The following TTC21A variants were observed in gnomAD, a reference collection of about 807,000 sequenced individuals.
The protein encoded by TTC21A is tetratricopeptide repeat domain 21A, also known as tetratricopeptide repeat protein 21A.
Under a neutral mutation model 156.4 loss-of-function variants are expected in TTC21A, and 128 were observed. The observed-to-expected ratio is 0.82, with a 90% confidence interval of 0.71 to 0.95. The LOEUF (loss-of-function observed/expected upper bound fraction) is 0.95, where lower values mean the gene tolerates loss of function less well. Ranked by LOEUF, TTC21A falls within the 40% of genes least tolerant of loss-of-function variation. The pLI is 0.00. For missense variants in TTC21A, 1,435 were observed against 1,602.3 expected (o/e 0.90, Z 1.78); for synonymous variants, 587 against 617.1 (o/e 0.95, Z 0.72).
chr3:39,129,091 T>C lies in TTC21A; in HGVS notation c.1916T>C (p.Met639Thr). 6.2e-7 allele frequency: 1 copy of C among 1,614,250 alleles called. No individual in the cohort carries two copies. Among genetic ancestry groups the C allele is most frequent in the East Asian group, 2.2e-5 (1 of 44,886 alleles). The change falls in exon 15 of 29, where the codon ATG becomes ACG. Residue 639 changes from methionine (M) to threonine (T), a missense_variant. Met to Thr is a moderately conservative substitution (Grantham distance 81, BLOSUM62 -1). Coordinates refer to ENST00000683103, the MANE Select transcript of TTC21A (RefSeq NM_001366900.1). ...TTTTAGCATGAGGCCACCAAGGTCATGCAGGACACCATCAATGAGTTCGGT... is the reference window on the plus strand; with the variant it reads ...TTTTAGCATGAGGCCACCAAGGTCACGCAGGACACCATCAATGAGTTCGGT... ...NGELHEATKV[M>T]QDTINEFGGT...
Position 39,120,995 on chromosome 3 carries a change from AGT to A in TTC21A, c.903_904del (p.Cys301TrpfsTer12). The A allele has an allele frequency of 6.3e-7, 1 of 1,594,576 alleles. No individual in the cohort carries two copies. The highest frequency in any genetic ancestry group is 8.6e-7 in the Non-Finnish European group (1 of 1,168,608). On this transcript the variant is annotated splice_acceptor_variant and coding_sequence_variant, in exon 9 of 29. Coordinates refer to ENST00000683103, the MANE Select transcript of TTC21A (RefSeq NM_001366900.1). LOFTEE classifies it high-confidence loss of function. ...CAATTCCCACCTTCCTGTTTCTTGC[AGT>A]GTGGGAGTCACCAGGTGATTCTAGG...
rs757020891 is a variant in TTC21A at position 39,136,506 on chromosome 3, T to A, written c.3094T>A (p.Trp1032Arg). The A allele has an allele frequency of 3.7e-6, 6 of 1,613,922 alleles. No individual in the cohort carries two copies. In the East Asian group the frequency reaches 1.3e-4, roughly 36 times the overall value. Residue 1032 changes from tryptophan to arginine, a missense_variant and splice_region_variant, in exon 23 of 29, where the codon TGG becomes AGG. Trp to Arg is a moderately radical substitution (Grantham distance 101). Transcript: ENST00000683103. The part of the protein sequence containing the change: ...GFNYCRGIYC[W>R]HIGQPNEALK... ...CAATTACTGCAGAGGTATCTACTGC[T>A]GGTGAGTTGGGTGTGGTGTGTTGAG... is the stretch of plus-strand genomic sequence containing the variant.
chr3:39,116,143 TG>T (rs1290693927), intron 6 of TTC21A, among the ~76,000 whole-genome samples: 2 of 152,368 alleles, frequency 1.3e-5, no homozygotes, highest in East Asian at 3.9e-4. Context: ...GCTGTGCCCA[TG>T]TGCAGGGAGA....
At position 39,129,219 on chromosome 3, in the gene TTC21A, A is replaced by G. The variant is rs755968839; in HGVS notation, c.2044A>G (p.Lys682Glu). The change falls in exon 15 of 29, where the codon AAG (lysine) becomes GAG (glutamate). Residue 682 changes from lysine to glutamate, a missense_variant. Physicochemically the swap from Lys to Glu is moderately conservative, Grantham distance 56. Coordinates refer to ENST00000683103, the MANE Select transcript of TTC21A (RefSeq NM_001366900.1). ...ALNMLRNILPKQSCYMEAREK... is the reference protein window; with the variant it reads ...ALNMLRNILPEQSCYMEAREK... Reference sequence around the variant, plus strand: ...GAACATGCTAAGGAACATCTTGCCCAAGCAGTCCTGCTATATGGAAGCCAG... The same window carrying G: ...GAACATGCTAAGGAACATCTTGCCCGAGCAGTCCTGCTATATGGAAGCCAG... The G allele has an allele frequency of 2.5e-6, 4 of 1,614,226 alleles. No homozygotes were observed. The highest frequency in any genetic ancestry group is 3.4e-6 in the Non-Finnish European group (4 of 1,180,040).
At chr3:39,108,033 T>C in intron 1 of TTC21A, 169 bp downstream of exon 1, 1 of 738,858 alleles carries the variant, frequency 1.4e-6, no homozygotes, top group South Asian at 1.8e-5. Context: ...CTCCGGTGGC[T>C]TCTGCGCACC....
chr3:39,116,763 C>T (rs1438333818), intron 6 of TTC21A, among the ~76,000 whole-genome samples: 1 of 152,328 alleles, frequency 6.6e-6, no homozygotes, highest in Admixed American at 6.5e-5. Context: ...AGCCACCATA[C>T]TCAGCCTAAT....
intron 5 of TTC21A, 62 bp downstream of exon 5, chr3:39,112,642 C>G: frequency 6.3e-7 from 1 of 1,594,460 alleles, no homozygotes; most frequent in Non-Finnish European, 8.5e-7. Context: ...ACCAGAGACC[C>G]ACCAGGTACC....
chr3:39,130,279 C>T lies in TTC21A; in HGVS notation c.2240C>T (p.Ala747Val), dbSNP rs201527372. 2.5e-6 allele frequency: 4 copies of T among 1,613,944 alleles called. No individual in the cohort carries two copies. The highest frequency in any genetic ancestry group is 3.3e-5 in the Admixed American group (2 of 60,006). ...PEKALEVYDE[A>V]YRQNPHDASL... ...AAGGCCCTGGAGGTCTATGATGAGGCCTATAGACAGAACCCACATGACGCC... is the reference window on the plus strand; with the variant it reads ...AAGGCCCTGGAGGTCTATGATGAGGTCTATAGACAGAACCCACATGACGCC... The change falls in exon 17 of 29, where the codon GCC (alanine) becomes GTC (valine). Residue 747 changes from alanine to valine, a missense_variant. Transcript: ENST00000683103. This position sits in a 1 kb window ranked among gnomAD's most constrained non-coding sequence, Gnocchi z 4.5.
At position 39,110,514 on chromosome 3, in the gene TTC21A, C is replaced by T. The variant is rs575291429; in HGVS notation, c.269-337C>T. 8 of 502,176 alleles carry T rather than the reference C, an allele frequency of 1.6e-5. No homozygotes were observed. The East Asian group carries it at 1.8e-4, about 11-fold the overall frequency. 31.1% of individuals were successfully genotyped at this position (502,176 alleles called of 1,614,324 possible). On this transcript the variant is annotated intron_variant, in intron 3 of 28. Transcript: ENST00000683103. ...CAGGGAGAGGGTCCAAGAGAGACTACAGACTACTATTTCCCTACTCACAAT... is the reference window on the plus strand; with the variant it reads ...CAGGGAGAGGGTCCAAGAGAGACTATAGACTACTATTTCCCTACTCACAAT...
At chr3:39,112,976 G>T (rs73068387) in intron 5 of TTC21A, among the ~76,000 whole-genome samples, 4,901 of 151,954 alleles carry the variant, frequency 0.032, 116 homozygotes, top group Middle Eastern at 0.079. Flanking sequence ...CATTTAGTGT[G>T]CCGTAAGAGA....
In TTC21A at chr3:39,137,555, C is replaced by T. The variant is rs760939060; in HGVS notation, c.3520C>T (p.Arg1174Cys). The T allele has an allele frequency of 3.7e-6, 6 of 1,614,112 alleles. No homozygotes were observed. The highest frequency in any genetic ancestry group is 2.7e-5 in the African/African-American group (2 of 74,928). ...YVFLKQIPKA[R>C]MQLKRLAKTP... ...GTTCCTGAAGCAGATCCCCAAGGCG[C>T]GTATGCAGTTGAAGCGCCTGGCCAA... Residue 1174 changes from arginine to cysteine, a missense_variant, in exon 26 of 29, where the codon CGT (arginine) becomes TGT (cysteine). Physicochemically the swap from Arg to Cys is radical, Grantham distance 180. Coordinates refer to ENST00000683103, the MANE Select transcript of TTC21A (RefSeq NM_001366900.1).
rs1575547718 is a variant in TTC21A at position 39,130,436 on chromosome 3, A to T, written c.2319+78A>T. 4.9e-6 allele frequency: 6 copies of T among 1,231,038 alleles called. No individual in the cohort carries two copies. In the African/African-American group the frequency reaches 7.6e-5, roughly 15 times the overall value. 76.3% of individuals were successfully genotyped at this position (1,231,038 alleles called of 1,614,324 possible). A position where few individuals can be genotyped will look rare whatever the true frequency, so the allele number is the denominator to read the frequency against. ...GGAGGAGGACGGTACATGACTGGGG[A>T]GCTCTGGGTGGGAGGAGAGTGGCTG... On this transcript the variant is annotated intron_variant, in intron 17 of 28. Transcript: ENST00000683103. This position sits in a 1 kb window ranked among gnomAD's most constrained non-coding sequence, Gnocchi z 4.5.
At chr3:39,132,725 C>T (rs2038825556) in intron 19 of TTC21A, 2 of 391,118 alleles carry the variant, frequency 5.1e-6, no homozygotes, top group Non-Finnish European at 9.4e-6. Context: ...GCCTTGGACA[C>T]CTACTGTGTG....
chr3:39,119,729 A>G, intron 7 of TTC21A, 193 bp from the exon 8 acceptor site: 1 of 508,808 alleles, frequency 2.0e-6, no homozygotes, highest in Non-Finnish European at 3.5e-6. Context: ...AGTTCCACTT[A>G]TAGGCCTTTG....
Position 39,130,940 on chromosome 3 carries a change from C to T in TTC21A, c.2459-52C>T. On this transcript the variant is annotated intron_variant, in intron 18 of 28. Coordinates refer to ENST00000683103, the MANE Select transcript of TTC21A (RefSeq NM_001366900.1). This position sits in a 1 kb window ranked among gnomAD's most constrained non-coding sequence, Gnocchi z 4.5. Reference sequence around the variant, plus strand: ...CTGATCCCAGCGCTCCCCACCAACACAGCTTCCCAGGAGCCAGTGAACTAA... The same window carrying T: ...CTGATCCCAGCGCTCCCCACCAACATAGCTTCCCAGGAGCCAGTGAACTAA... 1 of 1,607,382 alleles carries T rather than the reference C, an allele frequency of 6.2e-7. No homozygotes were observed. The highest frequency in any genetic ancestry group is 8.5e-7 in the Non-Finnish European group (1 of 1,175,164).
At position 39,137,686 on chromosome 3, in the gene TTC21A, G is replaced by A; in HGVS notation, c.3651G>A (p.Leu1217=). The part of the protein sequence containing the change: ...GSKFDLALEL[L]RRCVQYNKSC... Reference sequence around the variant, plus strand: ...AGTTCGACCTCGCCTTAGAACTGCTGCGGCGCTGTGTGCAATACAACAAGG... The same window carrying A: ...AGTTCGACCTCGCCTTAGAACTGCTACGGCGCTGTGTGCAATACAACAAGG... Residue 1217 remains leucine, a synonymous_variant, in exon 26 of 29, where the codon CTG becomes CTA. Transcript: ENST00000683103. 1.9e-6 allele frequency: 3 copies of A among 1,613,260 alleles called. No homozygotes were observed. Among genetic ancestry groups the A allele is most frequent in the Non-Finnish European group, 2.5e-6 (3 of 1,179,698 alleles).
rs747002533 is a variant in TTC21A, at chr3:39,130,941, A to G, written c.2459-51A>G. Reference sequence around the variant, plus strand: ...TGATCCCAGCGCTCCCCACCAACACAGCTTCCCAGGAGCCAGTGAACTAAC... The same window carrying G: ...TGATCCCAGCGCTCCCCACCAACACGGCTTCCCAGGAGCCAGTGAACTAAC... On this transcript the variant is annotated intron_variant, in intron 18 of 28. Coordinates refer to ENST00000683103, the MANE Select transcript of TTC21A (RefSeq NM_001366900.1). The surrounding 1 kb of genome is among the most constrained non-coding windows in gnomAD (Gnocchi z 4.5). The G allele has an allele frequency of 6.2e-7, 1 of 1,607,846 alleles. No homozygotes were observed. The highest frequency in any genetic ancestry group is 2.2e-5 in the East Asian group (1 of 44,804).
rs758972264 is a variant in TTC21A at position 39,125,148 on chromosome 3, T to C, written c.1179T>C (p.Leu393=). ...TCCTGAAGGAGGTGCAGAAGTCCCT[T>C]GGGAAGTCTGAGGTCAGAGCTCCCT... ...LEFLKEVQKS[L]GKSEVLIFLQ... The change falls in exon 10 of 29, where the codon CTT becomes CTC. Residue 393 remains leucine, a synonymous_variant. Transcript: ENST00000683103. 1.2e-6 allele frequency: 2 copies of C among 1,613,430 alleles called. No homozygotes were observed. Among genetic ancestry groups the C allele is most frequent in the Non-Finnish European group, 1.7e-6 (2 of 1,179,690 alleles).
chr3:39,129,294 T>C lies in TTC21A; in HGVS notation c.2119T>C (p.Tyr707His), dbSNP rs948750043. 2.5e-6 allele frequency: 4 copies of C among 1,613,834 alleles called. No homozygotes were observed. Among genetic ancestry groups the C allele is most frequent in the Non-Finnish European group, 3.4e-6 (4 of 1,179,694 alleles). ...YLQTLRDRRL[Y>H]IRCYRELCEH... ...GCAGACCCTCAGAGACAGGCGCCTC[T>C]ACATCAGATGCTACCGGTAAGCCCC... The change falls in exon 15 of 29, where the codon TAC becomes CAC. Residue 707 changes from tyrosine (Y) to histidine (H), a missense_variant. Physicochemically the swap from Tyr to His is moderately conservative, Grantham distance 83. Transcript: ENST00000683103.
Sources: allele counts gnomAD v4.1 joint callset (sites outside exome capture counted in the v4.1 genomes callset), GRCh38; gene constraint gnomAD v4.1.1; non-coding constraint Gnocchi (gnomAD v3.1); transcripts MANE v1.5; gene names NCBI Gene and HGNC (gene_info 2026-07-23, HGNC 2026-07-21).